The following CDK14 variants were observed in gnomAD, a reference collection of about 807,000 sequenced individuals.
The protein encoded by CDK14 is cyclin dependent kinase 14.
Under a neutral mutation model 60.7 loss-of-function variants are expected in CDK14, and 34 were observed. That is an observed-to-expected ratio of 0.56 (90% CI 0.43 to 0.75). The LOEUF (loss-of-function observed/expected upper bound fraction) is 0.75, where lower values mean the gene tolerates loss of function less well. Ranked by LOEUF, CDK14 falls within the 30% of genes least tolerant of loss-of-function variation. The pLI is 0.00. For missense variants in CDK14, 482 were observed against 564.1 expected (o/e 0.85, Z 1.47); for synonymous variants, 197 against 203.7 (o/e 0.97, Z 0.28).
chr7:90,596,959 C>T (rs1194358139), intron 1 of CDK14, among the ~76,000 whole-genome samples: 1 of 152,122 alleles, frequency 6.6e-6, no homozygotes, highest in African/African-American at 2.4e-5. Flanking sequence ...AATATGGGTT[C>T]TCCCCTCCTC....
rs1215095759 is a variant in CDK14, at chr7:91,056,650, C to T, written c.1105+10690C>T. Among the ~76,000 whole-genome samples, 6 of 148,508 alleles carry T rather than the reference C, an allele frequency of 4.0e-5. No individual in the cohort carries two copies. In the South Asian group the frequency reaches 1.3e-3, roughly 32 times the overall value. ...TTCAATTCCCACCTATGAGTGAGAA[C>T]ATGCAGTGTTTGGTTTTTTGTCTTT... On this transcript the variant is annotated intron_variant, in intron 11 of 14. Coordinates refer to ENST00000380050, the MANE Select transcript of CDK14 (RefSeq NM_001287135.2).
At chr7:90,632,635 CT>C in intron 2 of CDK14, 1 of 152,678 alleles carries the variant, frequency 6.5e-6, no homozygotes. Flanking sequence ...GACACCGAAC[CT>C]TTTAGTGCCC....
chr7:91,005,848 C>T (rs1011668411), intron 10 of CDK14, among the ~76,000 whole-genome samples: 2 of 152,180 alleles, frequency 1.3e-5, no homozygotes, highest in African/African-American at 4.8e-5. Flanking sequence ...TGGAGGAGAC[C>T]GTTCCTTGTG....
At chr7:90,722,365 G>A (rs1010761578) in intron 2 of CDK14, among the ~76,000 whole-genome samples, 23 of 151,822 alleles carry the variant, frequency 1.5e-4, no homozygotes, top group Non-Finnish European at 2.5e-4. Context: ...CACCACACCC[G>A]CCTAATTTTT....
chr7:90,754,576 G>T (rs958357287), intron 4 of CDK14, among the ~76,000 whole-genome samples: 1 of 152,078 alleles, frequency 6.6e-6, no homozygotes, highest in African/African-American at 2.4e-5. Flanking sequence ...CTTTGGAAAC[G>T]ATTTATGACT....
chr7:90,874,495 C>T (rs1228100285), intron 6 of CDK14, among the ~76,000 whole-genome samples: 4 of 119,352 alleles, frequency 3.4e-5, no homozygotes, highest in Admixed American at 9.4e-5. Flanking sequence ...ATCTCATGTC[C>T]TTTCATCCTT....
intron 5 of CDK14, among the ~76,000 whole-genome samples, chr7:90,834,714 G>A (rs1001165343): frequency 6.6e-6 from 1 of 152,172 alleles, no homozygotes; most frequent in African/African-American, 2.4e-5. Flanking sequence ...GGGATAAGAG[G>A]AAATAGGAAT....
intron 5 of CDK14, among the ~76,000 whole-genome samples, chr7:90,802,779 A>C (rs558709302): frequency 6.6e-6 from 1 of 152,360 alleles, no homozygotes; most frequent in African/African-American, 2.4e-5. Context: ...AAATAAAAAT[A>C]CATTAACAGG....
intron 3 of CDK14, among the ~76,000 whole-genome samples, chr7:90,744,773 C>T (rs1236456282): frequency 7.2e-5 from 10 of 139,306 alleles, no homozygotes; most frequent in Non-Finnish European, 1.4e-4. Flanking sequence ...GGGGCTGACC[C>T]CCCCACCTCC....
intron 2 of CDK14, among the ~76,000 whole-genome samples, chr7:90,629,461 T>C (rs1238934782): frequency 1.3e-5 from 2 of 152,212 alleles, no homozygotes; most frequent in African/African-American, 4.8e-5. Flanking sequence ...CCCTAGTCAA[T>C]ACTTTTAGGA....
intron 5 of CDK14, among the ~76,000 whole-genome samples, chr7:90,820,450 A>T (rs909280995): frequency 6.6e-6 from 1 of 152,038 alleles, no homozygotes; most frequent in Admixed American, 6.6e-5. Flanking sequence ...TGTAATAATG[A>T]GTGACTTCTT....
chr7:90,639,582 A>T (rs574325483), intron 2 of CDK14, among the ~76,000 whole-genome samples: 24 of 151,718 alleles, frequency 1.6e-4, no homozygotes, highest in African/African-American at 5.1e-4. Flanking sequence ...GTCAGGGGTC[A>T]GGGACCCACT....
chr7:90,723,760 C>T (rs1031415039), intron 2 of CDK14, among the ~76,000 whole-genome samples: 5 of 152,124 alleles, frequency 3.3e-5, no homozygotes, highest in African/African-American at 1.2e-4. Context: ...GAATGTTAAG[C>T]CAACCTTGCA....
chr7:90,692,209 C>T (rs148421890), intron 2 of CDK14, among the ~76,000 whole-genome samples: 310 of 152,178 alleles, frequency 2.0e-3, no homozygotes, highest in African/African-American at 6.6e-3. Context: ...GTTGGTCCAT[C>T]GAATGCTTCT....
intron 5 of CDK14, among the ~76,000 whole-genome samples, chr7:90,839,102 A>G (rs1459827319): frequency 6.6e-6 from 1 of 152,178 alleles, no homozygotes; most frequent in African/African-American, 2.4e-5. Context: ...ACCGGCTGAC[A>G]CTTAGGGAAA....
intron 3 of CDK14, among the ~76,000 whole-genome samples, chr7:90,732,409 G>A (rs916173258): frequency 2.0e-5 from 3 of 152,314 alleles, no homozygotes; most frequent in African/African-American, 7.2e-5. Context: ...CGTTTCAGAA[G>A]GAATGGTACC....
At chr7:90,651,989 C>T (rs1800655482) in intron 2 of CDK14, among the ~76,000 whole-genome samples, 1 of 152,160 alleles carries the variant, frequency 6.6e-6, no homozygotes, top group Non-Finnish European at 1.5e-5. Context: ...AGTGCCTGCT[C>T]TTTGAGCCTC....
At chr7:90,780,928 T>C (rs1805290287) in intron 4 of CDK14, among the ~76,000 whole-genome samples, 1 of 152,064 alleles carries the variant, frequency 6.6e-6, no homozygotes, top group South Asian at 2.1e-4. Flanking sequence ...AGTAATGGGA[T>C]GGCTGGGTCA....
rs556679790 is a variant in CDK14 at position 90,635,349 on chromosome 7, G to T, written c.123+31100G>T. ...AGGGATCCAGTTTCAGCTTTCTACA[G>T]ATGGCTAGCCAGTTTTCCCAACACC... On this transcript the variant is annotated intron_variant, in intron 2 of 14. Transcript: ENST00000380050. Among the ~76,000 whole-genome samples, 147 of 152,162 alleles carry T rather than the reference G, an allele frequency of 9.7e-4. 1 individual carries two copies. Among genetic ancestry groups the T allele is most frequent in the African/African-American group, 3.2e-3 (133 of 41,550 alleles).
Sources: allele counts gnomAD v4.1 joint callset (sites outside exome capture counted in the v4.1 genomes callset), GRCh38; gene constraint gnomAD v4.1.1; transcripts MANE v1.5; gene names NCBI Gene and HGNC (gene_info 2026-07-23, HGNC 2026-07-21).